Variants in SGCZ observed in about 807,000 individuals in gnomAD.
SGCZ encodes the protein sarcoglycan zeta.
Under a neutral mutation model 41.3 loss-of-function variants are expected in SGCZ, and 40 were observed. That is an observed-to-expected ratio of 0.97 (90% CI 0.75 to 1.26). The LOEUF (loss-of-function observed/expected upper bound fraction) is 1.26, where lower values mean the gene tolerates loss of function less well. SGCZ is among the 50% of genes most tolerant of loss of function. The pLI, the probability that SGCZ is intolerant of heterozygous loss-of-function variation, is 0.00. For synonymous variants in SGCZ, 206 were observed against 137.5 expected, an observed-to-expected ratio of 1.50 and a Z score of -3.49; for missense variants, 552 against 369.8, an observed-to-expected ratio of 1.49 and a Z score of -4.04.
intron 1 of SGCZ, among the ~76,000 whole-genome samples, chr8:14,965,516 A>C (rs1475614547): frequency 6.6e-6 from 1 of 152,172 alleles, no homozygotes; most frequent in East Asian, 1.9e-4. Flanking sequence ...AAACAAGAAT[A>C]AGTGGGATAT....
intron 1 of SGCZ, among the ~76,000 whole-genome samples, chr8:15,133,219 G>A (rs975336108): frequency 5.9e-5 from 9 of 152,104 alleles, no homozygotes; most frequent in Non-Finnish European, 8.8e-5. Flanking sequence ...ACAAGATCAT[G>A]ATGTGCCTTT....
At chr8:14,718,968 G>C (rs1024809336) in intron 1 of SGCZ, among the ~76,000 whole-genome samples, 1 of 148,728 alleles carries the variant, frequency 6.7e-6, no homozygotes, top group Non-Finnish European at 1.5e-5. Context: ...TCGTCATTTA[G>C]CATTAGGTAT....
Position 14,810,705 on chromosome 8 carries a change from C to T in SGCZ, c.40-255779G>A, listed in dbSNP as rs571363588. Among the ~76,000 whole-genome samples the T allele has an allele frequency of 4.5e-4, 69 of 152,114 alleles. 1 individual carries two copies. The highest frequency in any genetic ancestry group is 1.6e-3 in the African/African-American group (67 of 41,550). On this transcript the variant is annotated intron_variant, in intron 1 of 7. Coordinates refer to ENST00000382080, the MANE Select transcript of SGCZ (RefSeq NM_139167.4). Reference sequence around the variant, plus strand: ...TATTTTTCAACTTCTGGTTCAGTGACTTCCTGGCAGTAGCTTGAAATCAGC... The same window carrying T: ...TATTTTTCAACTTCTGGTTCAGTGATTTCCTGGCAGTAGCTTGAAATCAGC...
chr8:15,189,160 G>A (rs1459898802), intron 1 of SGCZ, among the ~76,000 whole-genome samples: 1 of 152,084 alleles, frequency 6.6e-6, no homozygotes, highest in Non-Finnish European at 1.5e-5. Flanking sequence ...ATTTCCTTCA[G>A]TTTAGCAGTA....
At chr8:14,182,555 A>G (rs1804763087) in intron 4 of SGCZ, among the ~76,000 whole-genome samples, 2 of 152,118 alleles carry the variant, frequency 1.3e-5, no homozygotes, top group South Asian at 2.1e-4. Context: ...CTCCTTCTCA[A>G]TCTGCAGAAG....
At chr8:14,518,165 A>T (rs1326737402) in intron 2 of SGCZ, among the ~76,000 whole-genome samples, 6 of 151,968 alleles carry the variant, frequency 3.9e-5, no homozygotes, top group Admixed American at 3.9e-4. Context: ...TAAGGTTTAA[A>T]TTTTTTAATA....
At chr8:14,276,662 C>T (rs1354585366) in intron 3 of SGCZ, among the ~76,000 whole-genome samples, 7 of 152,098 alleles carry the variant, frequency 4.6e-5, no homozygotes, top group Non-Finnish European at 2.9e-5. Context: ...AATCTCTTTT[C>T]TTTCCAATTT....
Position 14,450,717 on chromosome 8 carries a change from T to C in SGCZ, c.234+104015A>G, listed in dbSNP as rs78855498. 7.0e-4 allele frequency among the ~76,000 whole-genome samples: 106 copies of C among 152,288 alleles called. 1 individual carries two copies. The East Asian group carries it at 0.018, about 25-fold the overall frequency. On this transcript the variant is annotated intron_variant, in intron 2 of 7. Coordinates refer to ENST00000382080, the MANE Select transcript of SGCZ (RefSeq NM_139167.4). ...AACCTATTTTAAGATTCTTAGAAAG[T>C]TTAAAGCTCTCATCTCTGTCATTAT...
intron 4 of SGCZ, among the ~76,000 whole-genome samples, chr8:14,179,613 T>C (rs1804658360): frequency 6.6e-6 from 1 of 152,124 alleles, no homozygotes; most frequent in Non-Finnish European, 1.5e-5. Context: ...CTACAAATAG[T>C]CATGGATGGC....
At chr8:14,457,444 C>G (rs1388362586) in intron 2 of SGCZ, among the ~76,000 whole-genome samples, 2 of 152,186 alleles carry the variant, frequency 1.3e-5, no homozygotes, top group Admixed American at 1.3e-4. Context: ...GGGGGTCTCC[C>G]TTTCCCTGGG....
chr8:14,189,776 T>C (rs529305951), intron 4 of SGCZ, among the ~76,000 whole-genome samples: 1 of 152,178 alleles, frequency 6.6e-6, no homozygotes, highest in Non-Finnish European at 1.5e-5. Context: ...CACTTTTGTT[T>C]GCTTGGCTAT....
chr8:14,934,184 T>G (rs1375129424), intron 1 of SGCZ, among the ~76,000 whole-genome samples: 1 of 151,974 alleles, frequency 6.6e-6, no homozygotes, highest in Non-Finnish European at 1.5e-5. Context: ...GAATATGTAT[T>G]CATAATCAGA....
chr8:14,843,889 C>T (rs1214050339), intron 1 of SGCZ, among the ~76,000 whole-genome samples: 1 of 151,534 alleles, frequency 6.6e-6, no homozygotes, highest in African/African-American at 2.4e-5. Flanking sequence ...GAAGGCCACC[C>T]AAATATCAGC....
chr8:14,712,486 G>A (rs186195744), intron 1 of SGCZ, among the ~76,000 whole-genome samples: 94 of 152,298 alleles, frequency 6.2e-4, no homozygotes, highest in African/African-American at 2.1e-3. Context: ...TCATTAGCCA[G>A]TAGGGCAGTT....
chr8:14,564,462 C>T (rs970931505), intron 1 of SGCZ, among the ~76,000 whole-genome samples: 6 of 152,184 alleles, frequency 3.9e-5, no homozygotes, highest in Admixed American at 2.0e-4. Flanking sequence ...TAGGGAAAGT[C>T]ACTTAGCCTC....
intron 1 of SGCZ, among the ~76,000 whole-genome samples, chr8:14,751,032 A>G (rs1408558701): frequency 1.3e-5 from 2 of 152,216 alleles, no homozygotes; most frequent in Admixed American, 1.3e-4. Flanking sequence ...GAAATCTGCT[A>G]TTGCTATCAT....
intron 1 of SGCZ, among the ~76,000 whole-genome samples, chr8:14,809,630 T>A (rs186008058): frequency 8.3e-4 from 127 of 152,280 alleles, no homozygotes; most frequent in Non-Finnish European, 1.2e-3. Flanking sequence ...AGACCCTCAA[T>A]TGTCTATAGC....
intron 1 of SGCZ, among the ~76,000 whole-genome samples, chr8:14,577,839 C>A (rs902814651): frequency 2.0e-5 from 3 of 152,152 alleles, no homozygotes; most frequent in African/African-American, 4.8e-5. Context: ...AATGATTGAT[C>A]ATATTTTTAT....
intron 1 of SGCZ, among the ~76,000 whole-genome samples, chr8:14,813,915 T>C (rs775778809): frequency 1.3e-5 from 2 of 152,174 alleles, no homozygotes; most frequent in Non-Finnish European, 2.9e-5. Context: ...ATAGTGCCAC[T>C]GCACTCCAGC....
Sources: gnomAD v4.1 joint callset for allele counts (sites outside exome capture counted in the v4.1 genomes callset) on GRCh38, gnomAD v4.1.1 for gene constraint, MANE v1.5 for transcripts, NCBI Gene and HGNC (gene_info 2026-07-23, HGNC 2026-07-21) for gene names.